The following FBXO25 variants were observed in gnomAD, a reference collection of about 807,000 sequenced individuals.
FBXO25 encodes F-box only protein 25.
A neutral mutation model predicts 51.9 loss-of-function variants in FBXO25; 45 were observed. The ratio of observed to expected loss-of-function variants is 0.87; its 90% CI spans 0.68 to 1.11. The LOEUF (loss-of-function observed/expected upper bound fraction) is 1.11. Among genes scored for constraint, FBXO25 ranks in the 50% most tolerant of loss-of-function variants. FBXO25 has a pLI of 0.00. For synonymous variants in FBXO25, 199 were observed against 151.0 expected (o/e 1.32, Z -2.33); for missense variants, 507 against 428.5 (o/e 1.18, Z -1.62).
At chr8:437,632 C>G (rs552900254) in intron 5 of FBXO25, among the ~76,000 whole-genome samples, 2 of 152,326 alleles carry the variant, frequency 1.3e-5, no homozygotes, top group East Asian at 3.9e-4. Flanking sequence ...AAAGCCTGAG[C>G]CTGTGTCTTG....
Position 475,092 on chromosome 8 carries a change from T to C in FBXO25, c.*6288T>C, listed in dbSNP as rs1219519902. 6 of 371,360 alleles carry C rather than the reference T, an allele frequency of 1.6e-5. No homozygotes were observed. Among genetic ancestry groups the C allele is most frequent in the Admixed American group, 3.9e-5 (1 of 25,914 alleles). The allele number at this position is 371,360 out of a possible 1,614,324, so 23.0% of individuals were successfully genotyped here. A position where few individuals can be genotyped will look rare whatever the true frequency, so the allele number is the denominator to read the frequency against. The stretch of plus-strand genomic sequence containing the variant: ...TATGTTTCTCCTAAATGTTTTAGTT[T>C]TAGCTCTTAGTTTAGGCCTTTGATC... On this transcript the variant is annotated 3_prime_UTR_variant, in exon 10 of 10. Coordinates refer to ENST00000350302, the MANE Select transcript of FBXO25 (RefSeq NM_183420.2).
rs962074696 is a variant in FBXO25, at chr8:470,754, T to A, written c.*1950T>A. ...TTCCATTATCCCTGAAGCACAGGTA[T>A]TTCTTTTTCTGTTGGTGCTGTTTTA... On this transcript the variant is annotated 3_prime_UTR_variant, in exon 10 of 10. Coordinates refer to ENST00000350302, the MANE Select transcript of FBXO25 (RefSeq NM_183420.2). The A allele has an allele frequency of 1.3e-5, 2 of 152,200 alleles. No individual in the cohort carries two copies. The highest frequency in any genetic ancestry group is 4.8e-5 in the African/African-American group (2 of 41,434). The allele number at this position is 152,200 out of a possible 1,614,324, so 9.4% of individuals were successfully genotyped here.
intron 1 of FBXO25, among the ~76,000 whole-genome samples, chr8:412,083 C>G (rs1477663830): frequency 6.6e-6 from 1 of 152,218 alleles, no homozygotes; most frequent in Non-Finnish European, 1.5e-5. Flanking sequence ...TGAAGTCTCA[C>G]TCTTATCAAA....
chr8:437,557 A>G (rs1180673477), intron 5 of FBXO25, among the ~76,000 whole-genome samples: 2 of 152,182 alleles, frequency 1.3e-5, no homozygotes, highest in South Asian at 4.1e-4. Flanking sequence ...ACCTCTAAAA[A>G]GTGATTTGCT....
chr8:433,247 C>G (rs139140870), intron 4 of FBXO25, among the ~76,000 whole-genome samples: 29 of 151,970 alleles, frequency 1.9e-4, no homozygotes, highest in African/African-American at 6.3e-4. Flanking sequence ...TGTGCAGATA[C>G]TGGTGTGTGG....
chr8:454,427 T>C (rs1799287482), intron 7 of FBXO25, among the ~76,000 whole-genome samples: 1 of 152,184 alleles, frequency 6.6e-6, no homozygotes, highest in African/African-American at 2.4e-5. Context: ...GGGCCCATCA[T>C]GAGGTGGGAC....
chr8:447,559 G>T (rs967946764), intron 5 of FBXO25, among the ~76,000 whole-genome samples: 1 of 152,128 alleles, frequency 6.6e-6, no homozygotes, highest in African/African-American at 2.4e-5. Context: ...ATTTTAATGA[G>T]GTTGAGTATC....
intron 5 of FBXO25, among the ~76,000 whole-genome samples, chr8:444,936 C>A (rs557399086): frequency 6.6e-6 from 1 of 152,284 alleles, no homozygotes; most frequent in South Asian, 2.1e-4. Flanking sequence ...CAGATTGTAT[C>A]CCCCTTGTTA....
intron 2 of FBXO25, among the ~76,000 whole-genome samples, chr8:423,068 CACT>C (rs1474347742): frequency 6.6e-6 from 1 of 152,218 alleles, no homozygotes; most frequent in Non-Finnish European, 1.5e-5. Flanking sequence ...ACTGCAGCAG[CACT>C]ACTAACTGAA....
Position 469,236 on chromosome 8 carries a change from A to G in FBXO25, c.*432A>G, listed in dbSNP as rs1438750813. On this transcript the variant is annotated 3_prime_UTR_variant, in exon 10 of 10. Coordinates refer to ENST00000350302, the MANE Select transcript of FBXO25 (RefSeq NM_183420.2). Reference sequence around the variant, plus strand: ...GATCCTTGTAAATACATTGTACAGAATATTTATTTTTTCTCAAAATGCATT... The same window carrying G: ...GATCCTTGTAAATACATTGTACAGAGTATTTATTTTTTCTCAAAATGCATT... 6.4e-6 allele frequency: 1 copy of G among 155,520 alleles called. No homozygotes were observed. Among genetic ancestry groups the G allele is most frequent in the African/African-American group, 2.4e-5 (1 of 41,560 alleles). 9.6% of individuals were successfully genotyped at this position (155,520 alleles called of 1,614,324 possible). A position where few individuals can be genotyped will look rare whatever the true frequency, so the allele number is the denominator to read the frequency against.
intron 5 of FBXO25, among the ~76,000 whole-genome samples, chr8:448,660 G>A (rs1424812550): frequency 2.6e-5 from 4 of 152,228 alleles, no homozygotes; most frequent in East Asian, 1.9e-4. Flanking sequence ...TGAGGGTGAC[G>A]GAGCAGAGTG....
At position 476,770 on chromosome 8, in the gene FBXO25, C is replaced by G. The variant is rs1292000937; in HGVS notation, c.*7966C>G. 1 of 152,020 alleles carries G rather than the reference C, an allele frequency of 6.6e-6. No individual in the cohort carries two copies. Among genetic ancestry groups the G allele is most frequent in the Non-Finnish European group, 1.5e-5 (1 of 67,994 alleles). The allele number at this position is 152,020 out of a possible 1,614,324, so 9.4% of individuals were successfully genotyped here. ...AACTCTTGGTTTCATTTATTTTTCT[C>G]TATTGCTTTTCTGTTCTCTATTTTG... On this transcript the variant is annotated 3_prime_UTR_variant, in exon 10 of 10. Transcript: ENST00000350302.
At chr8:460,426 A>T (rs1319907419) in intron 8 of FBXO25, among the ~76,000 whole-genome samples, 1 of 152,226 alleles carries the variant, frequency 6.6e-6, no homozygotes, top group Non-Finnish European at 1.5e-5. Flanking sequence ...TCTGTTCTTC[A>T]GGCCTCAGTA....
chr8:432,159 C>A (rs985193433), intron 3 of FBXO25, among the ~76,000 whole-genome samples: 1 of 152,174 alleles, frequency 6.6e-6, no homozygotes, highest in African/African-American at 2.4e-5. Flanking sequence ...AGTAAGGGTT[C>A]TTTAAATACA....
At position 475,096 on chromosome 8, in the gene FBXO25, C is replaced by T. The variant is rs1426883581; in HGVS notation, c.*6292C>T. On this transcript the variant is annotated 3_prime_UTR_variant, in exon 10 of 10. Transcript: ENST00000350302. ...TTTCTCCTAAATGTTTTAGTTTTAG[C>T]TCTTAGTTTAGGCCTTTGATCTATT... The T allele has an allele frequency of 2.7e-6, 1 of 369,970 alleles. No homozygotes were observed. Among genetic ancestry groups the T allele is most frequent in the Non-Finnish European group, 5.2e-6 (1 of 192,128 alleles). 22.9% of individuals were successfully genotyped at this position (369,970 alleles called of 1,614,324 possible). A position where few individuals can be genotyped will look rare whatever the true frequency, so the allele number is the denominator to read the frequency against.
chr8:415,342 A>G (rs535907967), intron 2 of FBXO25, among the ~76,000 whole-genome samples: 2 of 152,374 alleles, frequency 1.3e-5, no homozygotes, highest in South Asian at 4.1e-4. Context: ...GAAATTAAGC[A>G]ATTCAACATG....
intron 8 of FBXO25, among the ~76,000 whole-genome samples, chr8:461,041 C>T (rs1454756449): frequency 6.6e-6 from 1 of 152,146 alleles, no homozygotes; most frequent in Non-Finnish European, 1.5e-5. Context: ...AGGCCCCCAC[C>T]CCAAGGCAGC....
At chr8:457,133 A>G (rs193002002) in intron 7 of FBXO25, among the ~76,000 whole-genome samples, 18 of 152,320 alleles carry the variant, frequency 1.2e-4, no homozygotes, top group Non-Finnish European at 1.6e-4. Flanking sequence ...ACAAATCAGA[A>G]GCTCGCAGGT....
At chr8:430,335 TTGTA>T (rs1797751052) in intron 2 of FBXO25, among the ~76,000 whole-genome samples, 1 of 152,228 alleles carries the variant, frequency 6.6e-6, no homozygotes, top group African/African-American at 2.4e-5. Context: ...GTTCAGTTGT[TTGTA>T]TGTTTTTCAA....
Sources: gnomAD v4.1 joint callset for allele counts (sites outside exome capture counted in the v4.1 genomes callset) on GRCh38, gnomAD v4.1.1 for gene constraint, MANE v1.5 for transcripts, NCBI Gene and HGNC (gene_info 2026-07-23, HGNC 2026-07-21) for gene names.